Variants in SMC5 observed in about 807,000 individuals in gnomAD.
SMC5 encodes the protein structural maintenance of chromosomes protein 5.
In SMC5, 88 loss-of-function variants were observed where a neutral mutation model predicts 148.3. That is an observed-to-expected ratio of 0.59 (90% CI 0.50 to 0.71). The LOEUF is 0.71. Ranked by LOEUF, SMC5 falls within the 30% of genes least tolerant of loss-of-function variation. The pLI is 0.00. For synonymous variants in SMC5, 421 were observed against 432.8 expected (o/e 0.97, Z 0.34); for missense variants, 1,142 against 1,298.9 (o/e 0.88, Z 1.86).
chr9:70,263,630 A>G (rs1370631557), intron 1 of SMC5, among the ~76,000 whole-genome samples: 1 of 152,214 alleles, frequency 6.6e-6, no homozygotes, highest in Non-Finnish European at 1.5e-5. Flanking sequence ...GATGCTAACT[A>G]TAATTAGAGT....
intron 7 of SMC5, among the ~76,000 whole-genome samples, chr9:70,283,795 A>ATT (rs200291382): frequency 6.6e-6 from 1 of 151,072 alleles, no homozygotes; most frequent in African/African-American, 2.4e-5. Context: ...ACTTAGCAGT[A>ATT]TTTTTTTTTA....
chr9:70,270,711 A>G (rs927282046), intron 3 of SMC5, among the ~76,000 whole-genome samples: 8 of 143,996 alleles, frequency 5.6e-5, no homozygotes, highest in South Asian at 2.2e-4. Context: ...CAGTGGTGCA[A>G]TCTCGGCTCA....
intron 3 of SMC5, among the ~76,000 whole-genome samples, chr9:70,271,545 A>T (rs1465403306): frequency 6.6e-6 from 1 of 152,192 alleles, no homozygotes; most frequent in African/African-American, 2.4e-5. Flanking sequence ...TACATTGGGG[A>T]TACTCTTCCC....
At position 70,323,480 on chromosome 9, in the gene SMC5, C is replaced by T. The variant is rs745606547; in HGVS notation, c.2151-3C>T. 10 of 1,601,246 alleles carry T rather than the reference C, an allele frequency of 6.2e-6. No homozygotes were observed. The East Asian group carries it at 1.1e-4, about 18-fold the overall frequency. On this transcript the variant is annotated splice_polypyrimidine_tract_variant and splice_region_variant and intron_variant, in intron 15 of 24. Coordinates refer to ENST00000361138, the MANE Select transcript of SMC5 (RefSeq NM_015110.4). ...TTTCTTCATTATTATATGTGTCATA[C>T]AGTTTAAAGCTGATGGAACAGGATA...
intron 8 of SMC5, chr9:70,286,717 CTTTTT>C (rs34919823): frequency 4.3e-5 from 5 of 117,462 alleles, no homozygotes; most frequent in Admixed American, 1.8e-4. Context: ...AACTTTTCGT[CTTTTT>C]TTTTTTTTTT....
At chr9:70,283,637 G>A (rs961445247) in intron 7 of SMC5, among the ~76,000 whole-genome samples, 2 of 152,116 alleles carry the variant, frequency 1.3e-5, no homozygotes, top group African/African-American at 2.4e-5. Context: ...TTTGTGTACT[G>A]TATACCCCTG....
intron 3 of SMC5, among the ~76,000 whole-genome samples, chr9:70,274,169 C>T (rs536037393): frequency 6.6e-6 from 1 of 152,360 alleles, no homozygotes; most frequent in Non-Finnish European, 1.5e-5. Context: ...GCAGGCTCCG[C>T]CTCCCGGGTT....
At chr9:70,302,016 G>C (rs1198202008) in intron 10 of SMC5, among the ~76,000 whole-genome samples, 2 of 152,132 alleles carry the variant, frequency 1.3e-5, no homozygotes, top group Non-Finnish European at 2.9e-5. Context: ...TTTATTCCCT[G>C]AACTCACAAA....
intron 7 of SMC5, 61 bp from the exon 8 acceptor site, chr9:70,286,139 T>A: frequency 2.0e-6 from 2 of 1,012,676 alleles, no homozygotes; most frequent in Non-Finnish European, 3.1e-6. Context: ...CAGGGCCATA[T>A]AATTTGCTTG....
intron 10 of SMC5, among the ~76,000 whole-genome samples, 160 bp from the exon 11 acceptor site, chr9:70,305,087 G>A (rs2035461215): frequency 6.6e-6 from 1 of 152,030 alleles, no homozygotes; most frequent in African/African-American, 2.4e-5. Context: ...CTGGGTAATG[G>A]ATTAGATGTT....
intron 2 of SMC5, among the ~76,000 whole-genome samples, chr9:70,267,261 T>G (rs2034314557): frequency 6.6e-6 from 1 of 152,214 alleles, no homozygotes; most frequent in African/African-American, 2.4e-5. Flanking sequence ...TTTTTTAATA[T>G]TTATCACTTA....
chr9:70,352,211 T>C lies in SMC5; in HGVS notation c.3186T>C (p.Tyr1062=). 6.2e-7 allele frequency: 1 copy of C among 1,611,396 alleles called. No individual in the cohort carries two copies. The highest frequency in any genetic ancestry group is 1.3e-5 in the African/African-American group (1 of 74,848). The change falls in exon 25 of 25, where the codon TAT becomes TAC. Residue 1062 remains tyrosine (Y), a synonymous_variant. Coordinates refer to ENST00000361138, the MANE Select transcript of SMC5 (RefSeq NM_015110.4). ...ITPKLLQNLP[Y]SEKMTVLFVY... is the part of the protein sequence containing the mutation. ...TACAGCTCCTGCAAAATCTTCCTTA[T>C]TCTGAAAAGATGACAGTTTTGTTTG...
intron 17 of SMC5, among the ~76,000 whole-genome samples, chr9:70,328,434 A>C (rs138357278): frequency 6.6e-6 from 1 of 152,202 alleles, no homozygotes; most frequent in Non-Finnish European, 1.5e-5. Context: ...CGAAGGAACT[A>C]CAGGCCCCAC....
chr9:70,330,479 T>C (rs925391478), intron 17 of SMC5, among the ~76,000 whole-genome samples: 1 of 151,644 alleles, frequency 6.6e-6, no homozygotes, highest in South Asian at 2.1e-4. Context: ...TATAAGGAAC[T>C]CTGTAGGATA....
At chr9:70,350,060 G>A in intron 22 of SMC5, 54 bp from the exon 23 acceptor site, 4 of 1,293,326 alleles carry the variant, frequency 3.1e-6, no homozygotes, top group Non-Finnish European at 4.2e-6. Flanking sequence ...TCAAATAATA[G>A]AATGACATTA....
chr9:70,262,576 G>C (rs952691239), intron 1 of SMC5, among the ~76,000 whole-genome samples: 1 of 152,192 alleles, frequency 6.6e-6, no homozygotes, highest in Admixed American at 6.5e-5. Context: ...AGTGGTTTTG[G>C]ATGGGAAAGA....
chr9:70,343,942 T>C (rs2118812773), intron 17 of SMC5, among the ~76,000 whole-genome samples: 1 of 152,276 alleles, frequency 6.6e-6, no homozygotes, highest in Non-Finnish European at 1.5e-5. Context: ...AATGCCAGGT[T>C]ATTGATGTGC....
intron 24 of SMC5, among the ~76,000 whole-genome samples, chr9:70,351,456 A>G (rs1371439293): frequency 2.0e-5 from 3 of 152,010 alleles, no homozygotes; most frequent in Admixed American, 6.6e-5. Flanking sequence ...TGGAATAGTC[A>G]CATCTGTTAA....
intron 5 of SMC5, among the ~76,000 whole-genome samples, chr9:70,280,432 A>G (rs2034717553): frequency 1.3e-5 from 2 of 152,210 alleles, no homozygotes; most frequent in South Asian, 4.1e-4. Flanking sequence ...TATTAAGTGA[A>G]TTGCTTCTAC....
Sources: gnomAD v4.1 joint callset for allele counts (sites outside exome capture counted in the v4.1 genomes callset) on GRCh38, gnomAD v4.1.1 for gene constraint, MANE v1.5 for transcripts, NCBI Gene and HGNC (gene_info 2026-07-23, HGNC 2026-07-21) for gene names.